DNAAF9: variants seen among roughly 807,000 people sequenced by gnomAD.
DNAAF9 encodes shulin.
A neutral mutation model predicts 167.0 loss-of-function variants in DNAAF9; 90 were observed. That is an observed-to-expected ratio of 0.54 (90% CI 0.45 to 0.64). DNAAF9 has a LOEUF of 0.64. DNAAF9 is among the 30% of genes least tolerant of loss of function. DNAAF9 has a pLI of 0.00. For synonymous variants in DNAAF9, 491 were observed against 508.8 expected, an observed-to-expected ratio of 0.96 and a Z score of 0.47; for missense variants, 1,315 against 1,442.2, an observed-to-expected ratio of 0.91 and a Z score of 1.43.
intron 10 of DNAAF9, 71 bp downstream of exon 10, chr20:3,340,433 T>TCCGGGGGGGGGGGGCCCCCCCCCCCC: frequency 9.0e-6 from 2 of 221,212 alleles, no homozygotes; most frequent in Non-Finnish European, 1.9e-5. Flanking sequence ...TTTGTCTAGC[T>TCCGGGGGGGGGGGGCCCCCCCCCCCC]CCCCCCACCC....
At chr20:3,305,391 T>C (rs964872176) in intron 20 of DNAAF9, among the ~76,000 whole-genome samples, 2 of 152,256 alleles carry the variant, frequency 1.3e-5, no homozygotes, top group African/African-American at 4.8e-5. Context: ...TTTCTTTCCA[T>C]GTTTCCGCAT....
At position 3,290,170 on chromosome 20, in the gene DNAAF9, C is replaced by A; in HGVS notation, c.2286G>T (p.Glu762Asp). 1 of 1,613,400 alleles carries A rather than the reference C, an allele frequency of 6.2e-7. No individual in the cohort carries two copies. Among genetic ancestry groups the A allele is most frequent in the East Asian group, 2.2e-5 (1 of 44,882 alleles). Residue 762 changes from glutamate (E) to aspartate (D), a missense_variant, in exon 26 of 37, where the codon GAG becomes GAT. Glu to Asp is a conservative substitution (Grantham distance 45). Around this residue, in one of 2 missense-constraint regions of DNAAF9, gnomAD observed 981 missense variants for 1,012.5 expected, o/e 0.97. Coordinates refer to ENST00000252032, the MANE Select transcript of DNAAF9 (RefSeq NM_001009984.3). ...VTGLPGCHAS[E>D]LCAFLVTLHK... ...GCAGAGTGACCAGAAAAGCACAGAG[C>A]TCGCTAGCGTGACAGCCTGGGAGGC...
chr20:3,298,029 C>A lies in DNAAF9; in HGVS notation c.1929G>T (p.Glu643Asp), dbSNP rs780528213. The A allele has an allele frequency of 4.3e-6, 7 of 1,611,388 alleles. No homozygotes were observed. The highest frequency in any genetic ancestry group is 1.3e-5 in the African/African-American group (1 of 74,950). Residue 643 changes from glutamate to aspartate, a missense_variant and splice_region_variant, in exon 22 of 37, where the codon GAG (glutamate) becomes GAT (aspartate). Transcript: ENST00000252032. Reference sequence around the variant, plus strand: ...TTTGCTGAATAATGACTGATATTACCTCTGAGTAAAATGCTTGGTATATCT... The same window carrying A: ...TTTGCTGAATAATGACTGATATTACATCTGAGTAAAATGCTTGGTATATCT... The part of the protein sequence containing the change: ...KSKIYQAFYS[E>D]VFSLWKQQDN...
intron 35 of DNAAF9, among the ~76,000 whole-genome samples, chr20:3,254,339 A>C (rs2068242146): frequency 6.6e-6 from 1 of 152,212 alleles, no homozygotes; most frequent in Admixed American, 6.5e-5. Flanking sequence ...TCAGCCTCCC[A>C]AAGTGCTGGG....
intron 25 of DNAAF9, among the ~76,000 whole-genome samples, chr20:3,293,504 G>A (rs530103076): frequency 4.6e-5 from 7 of 150,572 alleles, no homozygotes; most frequent in Non-Finnish European, 8.9e-5. Flanking sequence ...AGTCAACATG[G>A]TGAAACCCTG....
rs557861791 is a variant in DNAAF9, at chr20:3,387,884, T to TAAAAAAAAAAAAAA, written c.84-5392_84-5379dup. Among the ~76,000 whole-genome samples, 48 of 87,358 alleles carry TAAAAAAAAAAAAAA rather than the reference T, an allele frequency of 5.5e-4. 3 individuals are homozygous for TAAAAAAAAAAAAAA. Among genetic ancestry groups the TAAAAAAAAAAAAAA allele is most frequent in the East Asian group, 2.1e-3 (5 of 2,338 alleles). 57.3% of individuals were successfully genotyped at this position (87,358 alleles called of 152,430 possible). Reference sequence around the variant, plus strand: ...AGGGAGACCCTGTCTCTACAAAAAGTAAAAAAAAAAAAAAAAAAAAAAAAA... The same window carrying TAAAAAAAAAAAAAA: ...AGGGAGACCCTGTCTCTACAAAAAGTAAAAAAAAAAAAAAAAAAAAAAAAAAAAAAAAAAAAAAA... On this transcript the variant is annotated intron_variant, in intron 1 of 36. Coordinates refer to ENST00000252032, the MANE Select transcript of DNAAF9 (RefSeq NM_001009984.3).
chr20:3,255,401 C>T (rs751114625), intron 34 of DNAAF9, 117 bp from the exon 35 acceptor site: 54 of 667,870 alleles, frequency 8.1e-5, no homozygotes, highest in African/African-American at 1.4e-4. Context: ...AAAGCACGTG[C>T]GCTATGGCCT....
intron 16 of DNAAF9, 52 bp downstream of exon 16, chr20:3,322,165 T>C: frequency 7.2e-7 from 1 of 1,386,652 alleles, no homozygotes. Flanking sequence ...AACTTACAGA[T>C]GTCCCTCTAC....
At chr20:3,268,660 GT>G (rs775225421) in intron 30 of DNAAF9, among the ~76,000 whole-genome samples, 51 of 151,926 alleles carry the variant, frequency 3.4e-4, no homozygotes, top group Non-Finnish European at 6.3e-4. Flanking sequence ...ATTTAATTTA[GT>G]TTTTTCCCTC....
chr20:3,337,783 C>A (rs183053132), intron 10 of DNAAF9, among the ~76,000 whole-genome samples: 1 of 151,900 alleles, frequency 6.6e-6, no homozygotes, highest in African/African-American at 2.4e-5. Flanking sequence ...CATGTCCTCC[C>A]TCCTGTGTCT....
intron 9 of DNAAF9, among the ~76,000 whole-genome samples, chr20:3,343,225 C>T (rs542531977): frequency 2.6e-5 from 4 of 152,300 alleles, no homozygotes; most frequent in South Asian, 4.1e-4. Flanking sequence ...TACAATGGCA[C>T]GATCTCGGCT....
At chr20:3,330,550 G>A (rs1432767129) in intron 12 of DNAAF9, 96 bp downstream of exon 12, 2 of 771,618 alleles carry the variant, frequency 2.6e-6, no homozygotes, top group African/African-American at 1.8e-5. Flanking sequence ...AAAAGCAGAT[G>A]TCTTAATCAC....
intron 16 of DNAAF9, among the ~76,000 whole-genome samples, chr20:3,318,836 T>C (rs919002571): frequency 2.6e-5 from 4 of 151,848 alleles, no homozygotes; most frequent in Admixed American, 1.3e-4. Flanking sequence ...CCCAACACTT[T>C]GGGAGGTTGA....
chr20:3,392,748 A>G (rs1355556363), intron 1 of DNAAF9, among the ~76,000 whole-genome samples: 1 of 152,194 alleles, frequency 6.6e-6, no homozygotes, highest in Non-Finnish European at 1.5e-5. Context: ...GAAGAAAAAA[A>G]TTGGAAATTT....
intron 3 of DNAAF9, among the ~76,000 whole-genome samples, chr20:3,377,278 G>T (rs2083588273): frequency 6.6e-6 from 1 of 152,190 alleles, no homozygotes; most frequent in Admixed American, 6.5e-5. Flanking sequence ...CCTGGAAAGT[G>T]AAAGGGATTC....
intron 25 of DNAAF9, among the ~76,000 whole-genome samples, chr20:3,292,764 T>TA (rs1167514991): frequency 1.5e-5 from 2 of 130,938 alleles, no homozygotes; most frequent in Admixed American, 7.9e-5. Flanking sequence ...AGACTCCATT[T>TA]CAAAAAAGAA....
chr20:3,345,659 C>T (rs1280332146), intron 8 of DNAAF9, among the ~76,000 whole-genome samples: 1 of 152,090 alleles, frequency 6.6e-6, no homozygotes, highest in Non-Finnish European at 1.5e-5. Flanking sequence ...CAGCCTTTCC[C>T]TATATAATGA....
chr20:3,293,350 G>A (rs1304234917), intron 25 of DNAAF9, among the ~76,000 whole-genome samples: 1 of 150,406 alleles, frequency 6.6e-6, no homozygotes, highest in African/African-American at 2.4e-5. Context: ...AATGGTGGGA[G>A]GGGGTCAAGA....
At chr20:3,281,975 A>C (rs1436721601) in intron 27 of DNAAF9, among the ~76,000 whole-genome samples, 1 of 152,174 alleles carries the variant, frequency 6.6e-6, no homozygotes, top group Non-Finnish European at 1.5e-5. Context: ...ATTAGTCCTC[A>C]TAACTGGGCA....
Sources: gnomAD v4.1 joint callset for allele counts (sites outside exome capture counted in the v4.1 genomes callset) on GRCh38, gnomAD v4.1.1 for gene constraint, gnomAD v4.1.1 regional missense constraint, MANE v1.5 for transcripts, NCBI Gene and HGNC (gene_info 2026-07-23, HGNC 2026-07-21) for gene names.